The following ARHGAP35 variants were observed in gnomAD, a reference collection of about 807,000 sequenced individuals.
ARHGAP35 encodes the protein Rho GTPase activating protein 35.
ARHGAP35 carries 15 observed loss-of-function variants against 111.1 expected under a neutral mutation model. The ratio of observed to expected loss-of-function variants is 0.13; its 90% CI spans 0.09 to 0.21. The LOEUF (loss-of-function observed/expected upper bound fraction) is 0.21. ARHGAP35 is among the 10% of genes least tolerant of loss of function. The pLI, the probability that ARHGAP35 is intolerant of heterozygous loss-of-function variation, is 1.00. For missense variants in ARHGAP35, 1,262 were observed against 1,873.0 expected (o/e 0.67, Z 6.02); for synonymous variants, 643 against 710.3 (o/e 0.91, Z 1.51).
At chr19:46,892,829 A>G (rs2056032771) in intron 1 of ARHGAP35, among the ~76,000 whole-genome samples, 1 of 152,078 alleles carries the variant, frequency 6.6e-6, no homozygotes, top group Admixed American at 6.6e-5. Flanking sequence ...AGGCCGGACC[A>G]CTTGCTTTTT....
chr19:46,876,072 G>T (rs1322548256), intron 1 of ARHGAP35, among the ~76,000 whole-genome samples: 2 of 152,048 alleles, frequency 1.3e-5, no homozygotes, highest in African/African-American at 4.8e-5. Flanking sequence ...TAAACTCTTG[G>T]TGCCTTAGGC....
chr19:46,971,788 G>A (rs972323822), intron 3 of ARHGAP35, among the ~76,000 whole-genome samples: 1 of 151,884 alleles, frequency 6.6e-6, no homozygotes, highest in African/African-American at 2.4e-5. Flanking sequence ...GTGAGCCACC[G>A]CACCTGGCCG....
Position 46,920,394 on chromosome 19 carries a change from GA to G in ARHGAP35, c.1720del (p.Ile574LeufsTer54). The G allele has an allele frequency of 6.2e-7, 1 of 1,614,014 alleles. No homozygotes were observed. The highest frequency in any genetic ancestry group is 8.5e-7 in the Non-Finnish European group (1 of 1,179,900). On this transcript the variant is annotated frameshift_variant, in exon 2 of 7. Coordinates refer to ENST00000672722, the MANE Select transcript of ARHGAP35 (RefSeq NM_004491.5). LOFTEE classifies it high-confidence loss of function. This position sits in a 1 kb window ranked among gnomAD's most constrained non-coding sequence, Gnocchi z 7.0. ...ACVDAKIEHL[I>X]SSRFIRPSDR... ...GTGTGGACGCTAAGATTGAGCACTT[GA>G]TTAGTTCTCGGTTTATCCGGCCGTC...
In ARHGAP35 at chr19:46,921,965, C is replaced by A; in HGVS notation, c.3290C>A (p.Pro1097Gln). 6.2e-7 allele frequency: 1 copy of A among 1,613,748 alleles called. No individual in the cohort carries two copies. The highest frequency in any genetic ancestry group is 2.2e-5 in the East Asian group (1 of 44,886). The change falls in exon 2 of 7, where the codon CCA becomes CAA. Residue 1097 changes from proline (P) to glutamine (Q), a missense_variant. Transcript: ENST00000672722. This position sits in a 1 kb window ranked among gnomAD's most constrained non-coding sequence, Gnocchi z 4.3. ...GAACCCATGGATGCTGTGGTGAAGC[C>A]AAGGAATGAAGAAGAAAACATATAC... ...YAEPMDAVVK[P>Q]RNEEENIYSV...
At position 46,868,893 on chromosome 19, in the gene ARHGAP35, A is replaced by ATTTTTTT. The variant is rs59080309; in HGVS notation, c.-189+7707_-189+7713dup. On this transcript the variant is annotated intron_variant, in intron 1 of 6. Coordinates refer to ENST00000672722, the MANE Select transcript of ARHGAP35 (RefSeq NM_004491.5). ...AGTTATTTAGGTGGAGCTCACCGTG[A>ATTTTTTT]TTTTTTTTTTTTTTTTTTTTTTTTT... 7.3e-4 allele frequency among the ~76,000 whole-genome samples: 43 copies of ATTTTTTT among 58,702 alleles called. 6 individuals carry two copies. The highest frequency in any genetic ancestry group is 1.6e-3 in the East Asian group (3 of 1,820). 38.5% of individuals were successfully genotyped at this position (58,702 alleles called of 152,430 possible).
At chr19:46,863,732 C>G (rs10411291) in intron 1 of ARHGAP35, among the ~76,000 whole-genome samples, 3,620 of 152,022 alleles carry the variant, frequency 0.024, 143 homozygotes, top group African/African-American at 0.079. Flanking sequence ...TGCCAGTTCT[C>G]AAATTATCCC....
intron 3 of ARHGAP35, among the ~76,000 whole-genome samples, chr19:46,961,518 A>G (rs1023411863): frequency 1.3e-5 from 2 of 152,204 alleles, no homozygotes; most frequent in Admixed American, 6.5e-5. Context: ...CCACCTCTCC[A>G]CAACATGGGT....
chr19:46,883,632 C>T (rs2055977212), intron 1 of ARHGAP35, among the ~76,000 whole-genome samples: 1 of 152,104 alleles, frequency 6.6e-6, no homozygotes, highest in African/African-American at 2.4e-5. Flanking sequence ...GACATCAAGA[C>T]ATGAAGTGAG....
intron 1 of ARHGAP35, among the ~76,000 whole-genome samples, chr19:46,894,696 T>G (rs369039143): frequency 6.6e-6 from 1 of 152,292 alleles, no homozygotes; most frequent in East Asian, 1.9e-4. Flanking sequence ...TCTGCCCGCC[T>G]CAGCCTCCCA....
chr19:46,957,232 AT>A (rs1036605843), intron 3 of ARHGAP35, among the ~76,000 whole-genome samples: 80 of 151,966 alleles, frequency 5.3e-4, no homozygotes, highest in African/African-American at 1.9e-3. Context: ...AAGTGCTGGG[AT>A]TACAGGCGTG....
intron 1 of ARHGAP35, among the ~76,000 whole-genome samples, chr19:46,898,953 C>G (rs540695575): frequency 2.6e-4 from 40 of 152,194 alleles, no homozygotes; most frequent in Non-Finnish European, 5.3e-4. Context: ...CAAGACAGAG[C>G]AGTAACAGGA....
chr19:46,873,285 T>A (rs573616934), intron 1 of ARHGAP35, among the ~76,000 whole-genome samples: 1 of 152,100 alleles, frequency 6.6e-6, no homozygotes, highest in Non-Finnish European at 1.5e-5. Context: ...GCTGAACCCT[T>A]AGTTCTCTTT....
chr19:46,958,018 C>T (rs1036834326), intron 3 of ARHGAP35, among the ~76,000 whole-genome samples: 1 of 152,152 alleles, frequency 6.6e-6, no homozygotes, highest in Non-Finnish European at 1.5e-5. Flanking sequence ...ATCCTCCTGC[C>T]TCAGCCTCTT....
chr19:46,950,429 G>A (rs923241894), intron 3 of ARHGAP35, among the ~76,000 whole-genome samples: 1 of 152,136 alleles, frequency 6.6e-6, no homozygotes, highest in Non-Finnish European at 1.5e-5. Flanking sequence ...CACTTACATT[G>A]GTGTGTATAC....
In ARHGAP35 at chr19:47,001,229, C is replaced by T; in HGVS notation, c.*541C>T. The T allele has an allele frequency of 4.7e-6, 6 of 1,281,332 alleles. No homozygotes were observed. Among genetic ancestry groups the T allele is most frequent in the South Asian group, 1.3e-5 (1 of 79,828 alleles). The allele number at this position is 1,281,332 out of a possible 1,614,324, so 79.4% of individuals were successfully genotyped here. A position where few individuals can be genotyped will look rare whatever the true frequency, so the allele number is the denominator to read the frequency against. ...GCCACGGCTCTGCCACCACTAGGTACCTGCTGAGGGCGCTGGCTCTGCAGA... is the reference window on the plus strand; with the variant it reads ...GCCACGGCTCTGCCACCACTAGGTATCTGCTGAGGGCGCTGGCTCTGCAGA... On this transcript the variant is annotated 3_prime_UTR_variant, in exon 7 of 7. Transcript: ENST00000672722. The surrounding 1 kb of genome is among the most constrained non-coding windows in gnomAD (Gnocchi z 5.4).
At chr19:46,987,218 C>CT (rs370500363) in intron 3 of ARHGAP35, among the ~76,000 whole-genome samples, 2,078 of 115,534 alleles carry the variant, frequency 0.018, 55 homozygotes, top group East Asian at 0.1. Context: ...TCTTTTTTTT[C>CT]TTTTTTTTTT....
intron 1 of ARHGAP35, among the ~76,000 whole-genome samples, chr19:46,898,119 G>A (rs1447520460): frequency 6.6e-6 from 1 of 151,992 alleles, no homozygotes; most frequent in Non-Finnish European, 1.5e-5. Context: ...GCGCATGCCT[G>A]TAATCCCAGC....
At position 47,000,693 on chromosome 19, in the gene ARHGAP35, C is replaced by T. The variant is rs1212750716; in HGVS notation, c.*5C>T. On this transcript the variant is annotated 3_prime_UTR_variant, in exon 7 of 7. Coordinates refer to ENST00000672722, the MANE Select transcript of ARHGAP35 (RefSeq NM_004491.5). The surrounding 1 kb of genome is among the most constrained non-coding windows in gnomAD (Gnocchi z 6.9). ...CAAGCCGAACACACGCTGTGAGCCA[C>T]CAAGACCTGGGGCGACAGGAGAACC... 2 of 1,567,536 alleles carry T rather than the reference C, an allele frequency of 1.3e-6. No individual in the cohort carries two copies. Among genetic ancestry groups the T allele is most frequent in the Non-Finnish European group, 1.7e-6 (2 of 1,155,862 alleles).
chr19:46,870,838 T>G (rs1229709481), intron 1 of ARHGAP35, among the ~76,000 whole-genome samples: 1 of 152,044 alleles, frequency 6.6e-6, no homozygotes, highest in Non-Finnish European at 1.5e-5. Flanking sequence ...CCTTTTAAGT[T>G]TTTTCTTAAA....
Sources: gnomAD v4.1 joint callset for allele counts (sites outside exome capture counted in the v4.1 genomes callset) on GRCh38, gnomAD v4.1.1 for gene constraint, Gnocchi (gnomAD v3.1) non-coding constraint, MANE v1.5 for transcripts, NCBI Gene and HGNC (gene_info 2026-07-23, HGNC 2026-07-21) for gene names.